BACH2: variants seen among roughly 807,000 people sequenced by gnomAD.
The protein encoded by BACH2 is BACH transcriptional regulator 2, also known as transcription regulator protein BACH2.
Under a neutral mutation model 61.8 loss-of-function variants are expected in BACH2, and 5 were observed. The ratio of observed to expected loss-of-function variants is 0.08; its 90% confidence interval spans 0.04 to 0.17. The LOEUF is 0.17. BACH2 is among the 10% of genes least tolerant of loss of function. The pLI, the probability that BACH2 is intolerant of heterozygous loss-of-function variation, is 1.00. For synonymous variants in BACH2, 446 were observed against 440.1 expected (o/e 1.01, Z -0.17); for missense variants, 824 against 1,091.1 (o/e 0.76, Z 3.45).
intron 6 of BACH2, among the ~76,000 whole-genome samples, chr6:89,980,419 C>T (rs546053878): frequency 2.6e-5 from 4 of 152,342 alleles, no homozygotes; most frequent in Non-Finnish European, 5.9e-5. Context: ...ATGTGCTGCT[C>T]TGTACAGAAA....
intron 7 of BACH2, 137 bp from the exon 8 acceptor site, chr6:89,938,487 T>A: frequency 2.9e-6 from 2 of 687,636 alleles, no homozygotes; most frequent in Non-Finnish European, 4.9e-6. Flanking sequence ...AGTGATTACT[T>A]ATTTCCTGTT....
intron 6 of BACH2, among the ~76,000 whole-genome samples, chr6:89,965,206 G>GT (rs1774991209): frequency 1.3e-5 from 2 of 152,122 alleles, no homozygotes; most frequent in Non-Finnish European, 1.5e-5. Flanking sequence ...TTTTGGCTCT[G>GT]CTTGTCTTTC....
intron 6 of BACH2, among the ~76,000 whole-genome samples, chr6:90,000,781 G>C (rs1485867491): frequency 6.6e-6 from 1 of 152,202 alleles, no homozygotes; most frequent in Non-Finnish European, 1.5e-5. Flanking sequence ...CTCTTTAGCT[G>C]TCATCTCCTG....
intron 3 of BACH2, among the ~76,000 whole-genome samples, chr6:90,207,214 G>A (rs1769178797): frequency 6.6e-6 from 1 of 151,966 alleles, no homozygotes; most frequent in Non-Finnish European, 1.5e-5. Flanking sequence ...AACCTTCTCG[G>A]CTACAGTGAT....
chr6:89,981,020 C>T (rs1194139306), intron 6 of BACH2, among the ~76,000 whole-genome samples: 4 of 150,352 alleles, frequency 2.7e-5, no homozygotes, highest in African/African-American at 7.3e-5. Context: ...TCTGATTAGG[C>T]TTAATTAGAT....
At chr6:90,014,460 ATATATATATTTTTT>A (rs1562370071) in intron 5 of BACH2, among the ~76,000 whole-genome samples, 11 of 72,186 alleles carry the variant, frequency 1.5e-4, no homozygotes, top group South Asian at 4.5e-4. Context: ...ATATATATAT[ATATATATATTTTTT>A]TTTTTTTTTT....
intron 6 of BACH2, among the ~76,000 whole-genome samples, chr6:89,972,056 G>T (rs959424306): frequency 1.3e-5 from 2 of 152,206 alleles, no homozygotes; most frequent in Non-Finnish European, 2.9e-5. Context: ...TGGAAGAAAT[G>T]AAATGTGCAA....
chr6:90,030,540 G>T (rs1778915571), intron 5 of BACH2, among the ~76,000 whole-genome samples: 1 of 152,166 alleles, frequency 6.6e-6, no homozygotes, highest in African/African-American at 2.4e-5. Context: ...CGATGCCACA[G>T]AAATACAAAC....
intron 5 of BACH2, among the ~76,000 whole-genome samples, chr6:90,027,596 G>A (rs12664728): frequency 0.13 from 19,126 of 152,078 alleles, 1,262 homozygotes; most frequent in East Asian, 0.18. Flanking sequence ...AGGTGGTACC[G>A]GAGAGACACA....
In BACH2 at chr6:90,013,078, A is replaced by G. The variant is rs1158596669; in HGVS notation, c.-12-4222T>C. Reference sequence around the variant, plus strand: ...TTTTAATTTCAATTTCTAATTTTTCACTGCTAGTATATACATACAAATAAT... The same window carrying G: ...TTTTAATTTCAATTTCTAATTTTTCGCTGCTAGTATATACATACAAATAAT... On this transcript the variant is annotated intron_variant, in intron 5 of 8. Coordinates refer to ENST00000257749, the MANE Select transcript of BACH2 (RefSeq NM_021813.4). 2.0e-5 allele frequency among the ~76,000 whole-genome samples: 3 copies of G among 152,128 alleles called. No homozygotes were observed. The East Asian group carries it at 5.8e-4, about 29-fold the overall frequency.
intron 4 of BACH2, among the ~76,000 whole-genome samples, chr6:90,175,670 G>A (rs1382548091): frequency 6.6e-6 from 1 of 152,102 alleles, no homozygotes; most frequent in Non-Finnish European, 1.5e-5. Context: ...GTATCATTAT[G>A]TATTTTACAT....
At chr6:90,241,935 CTTTTT>C (rs565177176) in intron 3 of BACH2, among the ~76,000 whole-genome samples, 3 of 140,254 alleles carry the variant, frequency 2.1e-5, no homozygotes, top group African/African-American at 7.8e-5. Flanking sequence ...TCCTGATTTT[CTTTTT>C]TTTTTTTTAT....
intron 3 of BACH2, among the ~76,000 whole-genome samples, chr6:90,229,532 A>G (rs1250554359): frequency 3.9e-5 from 6 of 152,154 alleles, no homozygotes; most frequent in African/African-American, 1.4e-4. Context: ...TCCCCAGGAG[A>G]TTCTAATGTG....
At chr6:90,277,452 T>C (rs1450621194) in intron 1 of BACH2, among the ~76,000 whole-genome samples, 1 of 152,184 alleles carries the variant, frequency 6.6e-6, no homozygotes, top group Non-Finnish European at 1.5e-5. Context: ...AAATCTATGC[T>C]TTCCCAAGTC....
chr6:90,031,791 A>G (rs1197744104), intron 5 of BACH2, among the ~76,000 whole-genome samples: 19 of 152,354 alleles, frequency 1.2e-4, no homozygotes, highest in Non-Finnish European at 1.5e-5. Flanking sequence ...AAAGTAATTT[A>G]TAGATTCAGT....
At chr6:89,987,854 C>T (rs192863986) in intron 6 of BACH2, among the ~76,000 whole-genome samples, 3 of 152,216 alleles carry the variant, frequency 2.0e-5, no homozygotes, top group South Asian at 4.1e-4. Flanking sequence ...GCACAACAGC[C>T]CAACACGTGT....
At chr6:90,123,793 A>G (rs1292937254) in intron 4 of BACH2, among the ~76,000 whole-genome samples, 1 of 149,594 alleles carries the variant, frequency 6.7e-6, no homozygotes, top group Non-Finnish European at 1.5e-5. Context: ...AAAAAAAAAA[A>G]GAAGACCGGT....
chr6:90,164,418 T>C (rs1767532392), intron 4 of BACH2, among the ~76,000 whole-genome samples: 1 of 152,078 alleles, frequency 6.6e-6, no homozygotes, highest in Non-Finnish European at 1.5e-5. Flanking sequence ...GAGGCAATAA[T>C]TAATAGCTTA....
intron 3 of BACH2, among the ~76,000 whole-genome samples, chr6:90,245,054 G>C (rs556913950): frequency 6.6e-6 from 1 of 151,806 alleles, no homozygotes; most frequent in Non-Finnish European, 1.5e-5. Flanking sequence ...AAAATTAGCC[G>C]GGTGTGGTGG....
Sources: allele counts gnomAD v4.1 joint callset (sites outside exome capture counted in the v4.1 genomes callset), GRCh38; gene constraint gnomAD v4.1.1; transcripts MANE v1.5; gene names NCBI Gene and HGNC (gene_info 2026-07-23, HGNC 2026-07-21).